The following C12orf76 variants were observed in gnomAD, a reference collection of about 807,000 sequenced individuals.
The protein encoded by C12orf76 is uncharacterized protein C12orf76.
C12orf76 carries 6 observed loss-of-function variants against 6.8 expected under a neutral mutation model. The observed-to-expected ratio is 0.88, with a 90% CI of 0.48 to 1.73. C12orf76 has a LOEUF of 1.73. C12orf76 is among the 40% of genes most tolerant of loss of function. C12orf76 has a pLI of 0.01. For synonymous variants in C12orf76, 56 were observed against 43.7 expected (o/e 1.28, Z -1.11); for missense variants, 99 against 98.2 (o/e 1.01, Z -0.03).
chr12:110,060,621 G>C (rs931292427), intron 2 of C12orf76, among the ~76,000 whole-genome samples: 2 of 152,096 alleles, frequency 1.3e-5, no homozygotes, highest in African/African-American at 2.4e-5. Context: ...CCCCTTAAAG[G>C]TTAGCCCTTC....
exon 1 of C12orf76, chr12:110,073,485 C>T (rs1464050055): frequency 2.1e-5 from 11 of 521,922 alleles, no homozygotes; most frequent in South Asian, 9.8e-5. Context: ...GCTTTGGATC[C>T]GGGCGACTTT....
upstream of C12orf76, among the ~76,000 whole-genome samples, chr12:110,068,330 A>AGGT (rs1482559101): frequency 3.4e-5 from 4 of 116,662 alleles, no homozygotes; most frequent in African/African-American, 1.3e-4. Flanking sequence ...AAGAAGAAGA[A>AGGT]GGCGGCCAAA....
At chr12:110,045,869 G>A in intron 1 of C12orf76, 1 of 166,350 alleles carries the variant, frequency 6.0e-6, no homozygotes, top group South Asian at 1.3e-4. Context: ...TTAGGCAAGA[G>A]AATCACTTGA....
upstream of C12orf76, among the ~76,000 whole-genome samples, chr12:110,069,427 G>A (rs1196959625): frequency 2.0e-5 from 3 of 152,166 alleles, no homozygotes; most frequent in African/African-American, 4.8e-5. Context: ...GTGACACAGC[G>A]AGACTCCGTC....
chr12:110,058,059 C>T (rs1318116821), intron 3 of C12orf76, among the ~76,000 whole-genome samples: 2 of 102,410 alleles, frequency 2.0e-5, no homozygotes, highest in African/African-American at 4.1e-5. Context: ...GAGAGAGACT[C>T]GGTCTCAAAA....
At chr12:110,048,280 G>T in intron 1 of C12orf76, 83 bp downstream of exon 1, 2 of 1,399,096 alleles carry the variant, frequency 1.4e-6, no homozygotes, top group Non-Finnish European at 9.3e-7. Context: ...TCCCCTGTCC[G>T]CTCCGTACAT....
upstream of C12orf76, among the ~76,000 whole-genome samples, chr12:110,070,902 G>C (rs1328332209): frequency 6.6e-6 from 1 of 152,158 alleles, no homozygotes; most frequent in Admixed American, 6.5e-5. Context: ...AGCTTACCGA[G>C]TAGCTGGAAT....
upstream of C12orf76, among the ~76,000 whole-genome samples, chr12:110,070,807 C>T (rs777945282): frequency 9.9e-5 from 15 of 152,176 alleles, no homozygotes; most frequent in Non-Finnish European, 2.1e-4. Context: ...TGGAGTCTTG[C>T]TCTGTCATTC....
At chr12:110,045,345 T>C (rs2137215700) in intron 1 of C12orf76, among the ~76,000 whole-genome samples, 1 of 150,280 alleles carries the variant, frequency 6.7e-6, no homozygotes, top group South Asian at 2.1e-4. Context: ...GTAATCCCAG[T>C]GAGAGGCCAA....
chr12:110,062,788 A>ATTTTT lies in C12orf76; in HGVS notation n.380+3067_380+3071dup, dbSNP rs71079597. Reference sequence around the variant, plus strand: ...GTGTGCACCACCATGCCCAGCTAATATTTTTTTTTTTTTTTTTTTTTTTTT... The same window carrying ATTTTT: ...GTGTGCACCACCATGCCCAGCTAATATTTTTTTTTTTTTTTTTTTTTTTTTTTTTT... On this transcript the variant is annotated intron_variant and non_coding_transcript_variant, in intron 2 of 4. Coordinates refer to the C12orf76 transcript ENST00000309050. Among the ~76,000 whole-genome samples, 88 of 63,392 alleles carry ATTTTT rather than the reference A, an allele frequency of 1.4e-3. 4 individuals are homozygous for ATTTTT. The highest frequency in any genetic ancestry group is 6.2e-3 in the African/African-American group (83 of 13,430). 41.6% of individuals were successfully genotyped at this position (63,392 alleles called of 152,430 possible).
chr12:110,049,304 T>TGTGTGTGAAGAGACCACCAAAC (rs1242988331), upstream of C12orf76: 3 of 152,382 alleles, frequency 2.0e-5, no homozygotes, highest in Admixed American at 6.5e-5. Flanking sequence ...CCCAGTTTCA[T>TGTGTGTGAAGAGACCACCAAAC]GTGTGTGAAG....
At chr12:110,061,649 G>T (rs1394062687) in intron 2 of C12orf76, among the ~76,000 whole-genome samples, 2 of 151,494 alleles carry the variant, frequency 1.3e-5, no homozygotes, top group Non-Finnish European at 2.9e-5. Flanking sequence ...TGATTCTCCT[G>T]CCTCAGCCTC....
chr12:110,053,500 G>C (rs1348756223), upstream of C12orf76, among the ~76,000 whole-genome samples: 2 of 150,370 alleles, frequency 1.3e-5, no homozygotes, highest in East Asian at 1.9e-4. Flanking sequence ...CTCTGTCTTG[G>C]GGGGAAAACA....
chr12:110,065,987 T>G (rs1374992203), exon 2 of C12orf76: 1 of 1,612,198 alleles, frequency 6.2e-7, no homozygotes, highest in Non-Finnish European at 8.5e-7. Flanking sequence ...CCTCCAGAAC[T>G]GGGTCATCTC....
chr12:110,041,271 T>C lies in C12orf76; in HGVS notation c.*1103A>G, dbSNP rs891779644. The C allele has an allele frequency of 6.6e-6, 1 of 152,668 alleles. No individual in the cohort carries two copies. The allele number at this position is 152,668 out of a possible 1,614,324, so 9.5% of individuals were successfully genotyped here. A position where few individuals can be genotyped will look rare whatever the true frequency, so the allele number is the denominator to read the frequency against. On this transcript the variant is annotated 3_prime_UTR_variant, in exon 2 of 2. Transcript: ENST00000615315. ...TGTTACAAGATTACAAACAAAATCC[T>C]TACACAGTTACAGTATCCTACTTCG...
At chr12:110,069,494 C>T (rs913251425), upstream of C12orf76, among the ~76,000 whole-genome samples, 2 of 152,170 alleles carry the variant, frequency 1.3e-5, no homozygotes, top group Non-Finnish European at 2.9e-5. Flanking sequence ...CCTTTTAAAC[C>T]CTTAAATTGT....
chr12:110,043,529 CT>C (rs1440348248), intron 1 of C12orf76, among the ~76,000 whole-genome samples: 2 of 152,100 alleles, frequency 1.3e-5, no homozygotes, highest in Non-Finnish European at 2.9e-5. Flanking sequence ...TTGACAGGGC[CT>C]TTTGAGCAAA....
At chr12:110,057,161 T>C (rs1368895956) in intron 4 of C12orf76, 1 of 1,493,758 alleles carries the variant, frequency 6.7e-7, no homozygotes, top group Admixed American at 1.7e-5. Context: ...CCACATGCTC[T>C]GAATATAAGT....
intron 3 of C12orf76, among the ~76,000 whole-genome samples, chr12:110,057,996 G>A (rs373605053): frequency 1.1e-3 from 162 of 150,656 alleles, no homozygotes; most frequent in African/African-American, 3.9e-3. Context: ...CCCATGAGGC[G>A]GGGATTGCAG....
Sources: gnomAD v4.1 joint callset for allele counts (sites outside exome capture counted in the v4.1 genomes callset) on GRCh38, gnomAD v4.1.1 for gene constraint, MANE v1.5 for transcripts, NCBI Gene and HGNC (gene_info 2026-07-23, HGNC 2026-07-21) for gene names.